SCMH1: variants seen among roughly 807,000 people sequenced by gnomAD.
SCMH1 encodes Scm polycomb group protein homolog 1.
SCMH1 carries 37 observed loss-of-function variants against 70.8 expected under a neutral mutation model. The observed-to-expected ratio is 0.52, with a 90% CI of 0.40 to 0.69. The LOEUF (loss-of-function observed/expected upper bound fraction) is 0.69. Among genes scored for constraint, SCMH1 ranks in the 30% least tolerant of loss-of-function variants. The pLI is 0.00. For missense variants in SCMH1, 607 were observed against 827.3 expected, an observed-to-expected ratio of 0.73 and a Z score of 3.27; for synonymous variants, 292 against 307.4, an observed-to-expected ratio of 0.95 and a Z score of 0.52.
At chr1:41,087,787 A>C (rs961347914) in intron 8 of SCMH1, among the ~76,000 whole-genome samples, 1 of 152,164 alleles carries the variant, frequency 6.6e-6, no homozygotes, top group African/African-American at 2.4e-5. Context: ...CCTTGGACCC[A>C]AGAATACCGC....
intron 8 of SCMH1, among the ~76,000 whole-genome samples, chr1:41,095,243 T>G (rs969626128): frequency 3.3e-5 from 5 of 152,234 alleles, no homozygotes; most frequent in Non-Finnish European, 7.3e-5. Context: ...TCTAGAATTC[T>G]GCTTCACTTT....
chr1:41,095,760 G>T (rs1359235584), intron 8 of SCMH1, among the ~76,000 whole-genome samples: 3 of 151,996 alleles, frequency 2.0e-5, no homozygotes, highest in African/African-American at 7.2e-5. Context: ...TGTATTTCTG[G>T]GAAACTAAGG....
intron 13 of SCMH1, among the ~76,000 whole-genome samples, chr1:41,032,133 A>T (rs536127766): frequency 6.6e-6 from 1 of 152,206 alleles, no homozygotes; most frequent in Non-Finnish European, 1.5e-5. Context: ...TGGACTTCCC[A>T]GTCTTCAGGA....
intron 6 of SCMH1, among the ~76,000 whole-genome samples, chr1:41,132,618 C>T (rs1010662951): frequency 6.6e-6 from 1 of 152,136 alleles, no homozygotes; most frequent in African/African-American, 2.4e-5. Flanking sequence ...GAAGTCTTTG[C>T]CCATGCCTAT....
At chr1:41,228,531 C>T (rs1660692236) in intron 1 of SCMH1, among the ~76,000 whole-genome samples, 1 of 151,932 alleles carries the variant, frequency 6.6e-6, no homozygotes, top group South Asian at 2.1e-4. Flanking sequence ...GCCTGTAATC[C>T]CAGCAGTTTG....
At chr1:41,185,461 A>G (rs1296109537) in intron 2 of SCMH1, among the ~76,000 whole-genome samples, 1 of 152,088 alleles carries the variant, frequency 6.6e-6, no homozygotes, top group Admixed American at 6.5e-5. Flanking sequence ...TGCCGGGATT[A>G]CAGGTGTGAG....
intron 8 of SCMH1, chr1:41,099,132 A>G (rs997831684): frequency 4.8e-5 from 11 of 230,518 alleles, no homozygotes; most frequent in Admixed American, 1.6e-4. Flanking sequence ...GGGATTATCT[A>G]AAGTGAGTCC....
intron 8 of SCMH1, among the ~76,000 whole-genome samples, chr1:41,096,235 T>C (rs1481498022): frequency 6.6e-6 from 1 of 152,236 alleles, no homozygotes; most frequent in African/African-American, 2.4e-5. Flanking sequence ...GGAAGCAACC[T>C]TATGTCATCT....
At chr1:41,148,069 C>A (rs1644744181) in intron 5 of SCMH1, among the ~76,000 whole-genome samples, 1 of 152,104 alleles carries the variant, frequency 6.6e-6, no homozygotes, top group Admixed American at 6.5e-5. Flanking sequence ...TCCCATTATT[C>A]TAGTGGTTGC....
At chr1:41,204,258 G>C (rs1321559092) in intron 1 of SCMH1, among the ~76,000 whole-genome samples, 1 of 152,186 alleles carries the variant, frequency 6.6e-6, no homozygotes, top group African/African-American at 2.4e-5. Flanking sequence ...CGCCTTAGCA[G>C]CAAATGCAAT....
intron 2 of SCMH1, among the ~76,000 whole-genome samples, chr1:41,173,659 A>G (rs1646931859): frequency 6.6e-6 from 1 of 152,164 alleles, no homozygotes; most frequent in Non-Finnish European, 1.5e-5. Flanking sequence ...AGTTATCTGC[A>G]CTCCCATGTT....
intron 2 of SCMH1, among the ~76,000 whole-genome samples, chr1:41,179,198 A>G (rs9662304): frequency 0.011 from 1,644 of 152,316 alleles, 13 homozygotes; most frequent in Middle Eastern, 0.02. Context: ...GAGAACAAAG[A>G]CACAACATAC....
chr1:41,039,591 TGCCTCA>T (rs1303292742), intron 12 of SCMH1, among the ~76,000 whole-genome samples: 1 of 152,042 alleles, frequency 6.6e-6, no homozygotes, highest in East Asian at 1.9e-4. Flanking sequence ...GCAATTCTTG[TGCCTCA>T]GCCTCCCAAG....
intron 1 of SCMH1, among the ~76,000 whole-genome samples, chr1:41,202,333 CTT>C (rs111943685): frequency 8.3e-5 from 12 of 144,942 alleles, no homozygotes; most frequent in Non-Finnish European, 1.4e-4. Flanking sequence ...CGTGCCCAGC[CTT>C]TTTTTTTTTT....
At position 41,055,494 on chromosome 1, in the gene SCMH1, C is replaced by A. The variant is rs576362429; in HGVS notation, c.1106-6604G>T. Among the ~76,000 whole-genome samples, 69 of 152,288 alleles carry A rather than the reference C, an allele frequency of 4.5e-4. 1 individual carries two copies. The South Asian group carries it at 0.014, about 31-fold the overall frequency. The stretch of plus-strand genomic sequence containing the variant: ...CCTCCTGAGTAGCTGGGACTACAGG[C>A]ACCCACCACCATGCCCGGCTAATTT... On this transcript the variant is annotated intron_variant, in intron 10 of 14. Coordinates refer to ENST00000337495, the Ensembl canonical transcript of SCMH1.
intron 4 of SCMH1, among the ~76,000 whole-genome samples, chr1:41,158,452 A>G (rs1036898344): frequency 6.6e-6 from 1 of 152,226 alleles, no homozygotes; most frequent in Non-Finnish European, 1.5e-5. Context: ...GCTAAAGTGT[A>G]AAAGGATAAG....
At chr1:41,030,205 CCT>C (rs779847533) in intron 13 of SCMH1, among the ~76,000 whole-genome samples, 3 of 151,982 alleles carry the variant, frequency 2.0e-5, no homozygotes, top group African/African-American at 2.4e-5. Flanking sequence ...AGAGCGAGAC[CCT>C]GTCTCAAAAA....
intron 8 of SCMH1, among the ~76,000 whole-genome samples, chr1:41,109,242 G>A (rs1668685634): frequency 1.3e-5 from 2 of 152,164 alleles, no homozygotes; most frequent in South Asian, 4.1e-4. Flanking sequence ...CTTGTTCAGA[G>A]TTACCAGAAG....
chr1:41,063,998 A>G (rs575386298), intron 10 of SCMH1, among the ~76,000 whole-genome samples: 1 of 152,352 alleles, frequency 6.6e-6, no homozygotes, highest in African/African-American at 2.4e-5. Context: ...TGTCCTCAAC[A>G]AAGTATTATC....
Sources: gnomAD v4.1 joint callset for allele counts (sites outside exome capture counted in the v4.1 genomes callset) on GRCh38, gnomAD v4.1.1 for gene constraint, MANE v1.5 for transcripts, NCBI Gene and HGNC (gene_info 2026-07-23, HGNC 2026-07-21) for gene names.